Variants in PTPRD observed in about 807,000 individuals in gnomAD.
The protein encoded by PTPRD is receptor-type tyrosine-protein phosphatase delta.
In PTPRD, 34 loss-of-function variants were observed where a neutral mutation model predicts 214.5. The ratio of observed to expected loss-of-function variants is 0.16; its 90% CI spans 0.12 to 0.21. The LOEUF is 0.21. Ranked by LOEUF, PTPRD falls within the 10% of genes least tolerant of loss-of-function variation. PTPRD has a pLI of 1.00. For missense variants in PTPRD, 2,545 were observed against 2,398.7 expected, an observed-to-expected ratio of 1.06 and a Z score of -1.27; for synonymous variants, 1,128 against 845.7, an observed-to-expected ratio of 1.33 and a Z score of -5.79.
chr9:9,140,772 G>T (rs938355286), intron 10 of PTPRD, among the ~76,000 whole-genome samples: 1 of 152,102 alleles, frequency 6.6e-6, no homozygotes, highest in Non-Finnish European at 1.5e-5. Flanking sequence ...TAGAGACGGG[G>T]TTTCACCGTA....
intron 36 of PTPRD, among the ~76,000 whole-genome samples, chr9:8,393,567 T>G (rs566416576): frequency 6.6e-6 from 1 of 152,224 alleles, no homozygotes; most frequent in African/African-American, 2.4e-5. Context: ...TTGGAGTCAG[T>G]TGGTCTTAGT....
chr9:9,753,160 C>T (rs2098538194), intron 6 of PTPRD, among the ~76,000 whole-genome samples: 1 of 151,952 alleles, frequency 6.6e-6, no homozygotes, highest in African/African-American at 2.4e-5. Flanking sequence ...TTTTATAGGA[C>T]ATTTCCATGT....
chr9:8,494,615 C>T (rs1053200017), intron 26 of PTPRD, among the ~76,000 whole-genome samples: 1 of 152,172 alleles, frequency 6.6e-6, no homozygotes, highest in Non-Finnish European at 1.5e-5. Context: ...AGGCTTGCTT[C>T]CATCACCAAA....
intron 30 of PTPRD, among the ~76,000 whole-genome samples, chr9:8,472,787 G>A (rs1050376099): frequency 7.9e-5 from 12 of 152,118 alleles, no homozygotes; most frequent in African/African-American, 2.9e-4. Context: ...AATGTCACAT[G>A]TGACTTTCAT....
At chr9:9,001,835 A>G (rs1188901316) in intron 11 of PTPRD, among the ~76,000 whole-genome samples, 1 of 152,058 alleles carries the variant, frequency 6.6e-6, no homozygotes, top group Non-Finnish European at 1.5e-5. Flanking sequence ...CATCCTAAAT[A>G]AAGTAGAAAC....
intron 11 of PTPRD, among the ~76,000 whole-genome samples, chr9:8,824,475 G>T (rs565410901): frequency 6.6e-6 from 1 of 152,270 alleles, no homozygotes; most frequent in East Asian, 1.9e-4. Flanking sequence ...TATAACTTTT[G>T]AGTTTTGACA....
chr9:8,528,875 C>G, intron 14 of PTPRD, 96 bp from the exon 15 acceptor site: 1 of 1,218,400 alleles, frequency 8.2e-7, no homozygotes, highest in Non-Finnish European at 1.2e-6. Flanking sequence ...TTACTCAGTG[C>G]TTGTTGAGAA....
chr9:10,592,417 A>G (rs2075683738), intron 2 of PTPRD, among the ~76,000 whole-genome samples: 1 of 152,076 alleles, frequency 6.6e-6, no homozygotes, highest in Non-Finnish European at 1.5e-5. Context: ...AAGAGGGGAA[A>G]AAATTGTTTC....
chr9:8,427,500 G>A (rs1200806436), intron 35 of PTPRD, among the ~76,000 whole-genome samples: 3 of 151,898 alleles, frequency 2.0e-5, no homozygotes, highest in Non-Finnish European at 4.4e-5. Context: ...TTGTTACCAC[G>A]TGGCCAACAG....
At chr9:10,014,426 C>G (rs1281934771) in intron 4 of PTPRD, among the ~76,000 whole-genome samples, 4 of 151,932 alleles carry the variant, frequency 2.6e-5, no homozygotes, top group African/African-American at 9.7e-5. Context: ...GTCCAGTGAC[C>G]ATGAAGCATT....
intron 9 of PTPRD, among the ~76,000 whole-genome samples, chr9:9,235,175 C>A (rs2099965772): frequency 6.6e-6 from 1 of 152,094 alleles, no homozygotes; most frequent in Non-Finnish European, 1.5e-5. Context: ...GGGGGAAAAG[C>A]CCCTTATAAA....
At chr9:8,675,653 A>G (rs1398303324) in intron 12 of PTPRD, among the ~76,000 whole-genome samples, 1 of 151,574 alleles carries the variant, frequency 6.6e-6, no homozygotes, top group Non-Finnish European at 1.5e-5. Context: ...CTCCTTCAAC[A>G]TCATCAAAAC....
chr9:10,418,563 A>T (rs958489841), intron 2 of PTPRD, among the ~76,000 whole-genome samples: 1 of 150,272 alleles, frequency 6.7e-6, no homozygotes, highest in Non-Finnish European at 1.5e-5. Flanking sequence ...ATACCTGTTA[A>T]TTTTAAATCT....
intron 2 of PTPRD, among the ~76,000 whole-genome samples, chr9:10,491,217 C>A (rs946027019): frequency 3.9e-5 from 6 of 152,090 alleles, no homozygotes; most frequent in Admixed American, 1.3e-4. Flanking sequence ...TGAATGGATT[C>A]ATTCTTATAT....
intron 4 of PTPRD, among the ~76,000 whole-genome samples, chr9:9,941,794 T>A (rs1371154684): frequency 6.6e-6 from 1 of 152,158 alleles, no homozygotes; most frequent in Non-Finnish European, 1.5e-5. Flanking sequence ...GTAACTTTTC[T>A]CTGGGAAGCC....
intron 8 of PTPRD, among the ~76,000 whole-genome samples, chr9:9,542,216 A>G (rs940129701): frequency 6.6e-6 from 1 of 151,758 alleles, no homozygotes; most frequent in Non-Finnish European, 1.5e-5. Flanking sequence ...TATAAGAACA[A>G]TTAGAGAATA....
At chr9:10,006,173 A>G (rs949679177) in intron 4 of PTPRD, among the ~76,000 whole-genome samples, 2 of 152,062 alleles carry the variant, frequency 1.3e-5, no homozygotes, top group Non-Finnish European at 2.9e-5. Context: ...AAATAAGAGT[A>G]AAACCTGGAA....
intron 2 of PTPRD, among the ~76,000 whole-genome samples, chr9:10,554,190 T>A (rs2061968264): frequency 6.6e-6 from 1 of 152,310 alleles, no homozygotes; most frequent in East Asian, 1.9e-4. Flanking sequence ...CTACTGTTCC[T>A]TGCCCTTAAA....
chr9:9,638,886 T>G (rs77079489), intron 7 of PTPRD, among the ~76,000 whole-genome samples: 2,870 of 151,842 alleles, frequency 0.019, 88 homozygotes, highest in African/African-American at 0.066. Flanking sequence ...CAAAGGGGAG[T>G]AATGCTATGT....
Sources: allele counts gnomAD v4.1 joint callset (sites outside exome capture counted in the v4.1 genomes callset), GRCh38; gene constraint gnomAD v4.1.1; transcripts MANE v1.5; gene names NCBI Gene and HGNC (gene_info 2026-07-23, HGNC 2026-07-21).